PTCHD4: variants seen among roughly 807,000 people sequenced by gnomAD.
PTCHD4 encodes the protein patched domain-containing protein 4.
A neutral mutation model predicts 58.1 loss-of-function variants in PTCHD4; 33 were observed. The ratio of observed to expected loss-of-function variants is 0.57; its 90% CI spans 0.43 to 0.76. The LOEUF (loss-of-function observed/expected upper bound fraction) is 0.76. Among genes scored for constraint, PTCHD4 ranks in the 30% least tolerant of loss-of-function variants. The pLI is 0.00. For synonymous variants in PTCHD4, 478 were observed against 409.6 expected, an observed-to-expected ratio of 1.17 and a Z score of -2.02; for missense variants, 1,058 against 1,027.1, an observed-to-expected ratio of 1.03 and a Z score of -0.41.
At position 47,869,348 on chromosome 6, in the gene PTCHD4, C is replaced by G. The variant is rs775790195; in HGVS notation, c.*8955G>C. Reference sequence around the variant, plus strand: ...GGAGCCGCTGGCTCACTCATTGTCTCCATCTTCTGCAGCTCTCATATGGTG... The same window carrying G: ...GGAGCCGCTGGCTCACTCATTGTCTGCATCTTCTGCAGCTCTCATATGGTG... On this transcript the variant is annotated 3_prime_UTR_variant, in exon 5 of 5. Transcript: ENST00000339488. Among the ~76,000 whole-genome samples, 3 of 151,670 alleles carry G rather than the reference C, an allele frequency of 2.0e-5. No homozygotes were observed. Among genetic ancestry groups the G allele is most frequent in the African/African-American group, 4.8e-5 (2 of 41,358 alleles).
At chr6:47,949,201 G>C (rs1581920579) in intron 4 of PTCHD4, among the ~76,000 whole-genome samples, 1 of 152,172 alleles carries the variant, frequency 6.6e-6, no homozygotes, top group African/African-American at 2.4e-5. Flanking sequence ...CTGTAGGAAA[G>C]AGCTAGCCGA....
rs546316889 is a variant in PTCHD4, at chr6:48,085,508, C to T, written c.-969-15582G>A. On this transcript the variant is annotated intron_variant, in intron 1 of 4. Transcript: ENST00000339488. ...GTTGATCATCAAGAACCAAGAAAAGCCTCTCAAGATCATTTGCCTTTTTCA... is the reference window on the plus strand; with the variant it reads ...GTTGATCATCAAGAACCAAGAAAAGTCTCTCAAGATCATTTGCCTTTTTCA... Among the ~76,000 whole-genome samples, 5 of 152,218 alleles carry T rather than the reference C, an allele frequency of 3.3e-5. No homozygotes were observed. The South Asian group carries it at 8.3e-4, about 25-fold the overall frequency.
chr6:48,054,873 GTTTATA>G (rs761284510), intron 3 of PTCHD4, among the ~76,000 whole-genome samples: 12 of 152,108 alleles, frequency 7.9e-5, no homozygotes, highest in Non-Finnish European at 1.5e-4. Context: ...AGGATTCTGA[GTTTATA>G]TTAATATAAA....
At chr6:48,034,379 C>A (rs771329570) in intron 3 of PTCHD4, among the ~76,000 whole-genome samples, 1 of 151,892 alleles carries the variant, frequency 6.6e-6, no homozygotes, top group Admixed American at 6.6e-5. Flanking sequence ...TTGTTCAGGT[C>A]GAACCTGATA....
Position 48,068,607 on chromosome 6 carries a change from T to C in PTCHD4, c.40A>G (p.Arg14Gly). The change falls in exon 3 of 5, where the codon AGG becomes GGG. Residue 14 changes from arginine (R) to glycine (G), a missense_variant. By Grantham distance (125) the Arg-to-Gly change is moderately radical. Coordinates refer to ENST00000339488, the MANE Select transcript of PTCHD4 (RefSeq NM_001384253.1). The surrounding 1 kb of genome is among the most constrained non-coding windows in gnomAD (Gnocchi z 4.2). ...PGAPASWIWW[R>G]MLRQVLRRGL... ...CTGCGAAGCACCTGCCGCAGCATCC[T>C]CCACCAGATCCAGCTCGCAGGCGCT... The C allele has an allele frequency of 6.4e-7, 1 of 1,573,638 alleles. No individual in the cohort carries two copies. The highest frequency in any genetic ancestry group is 8.6e-7 in the Non-Finnish European group (1 of 1,164,216).
intron 4 of PTCHD4, among the ~76,000 whole-genome samples, chr6:47,917,250 A>G (rs561178865): frequency 6.6e-6 from 1 of 152,206 alleles, no homozygotes; most frequent in East Asian, 1.9e-4. Flanking sequence ...GAATCAGAGT[A>G]AAAGAATTAG....
At position 47,870,147 on chromosome 6, in the gene PTCHD4, A is replaced by G. The variant is rs1298510459; in HGVS notation, c.*8156T>C. On this transcript the variant is annotated 3_prime_UTR_variant, in exon 5 of 5. Transcript: ENST00000339488. ...TTTGTTGTTAAAATAAAAAGTTGAG[A>G]TAGCCAGAAATGCTGTTTAACTTTG... is the stretch of plus-strand genomic sequence containing the variant. Among the ~76,000 whole-genome samples the G allele has an allele frequency of 6.6e-6, 1 of 151,700 alleles. No individual in the cohort carries two copies. Among genetic ancestry groups the G allele is most frequent in the African/African-American group, 2.4e-5 (1 of 41,382 alleles).
At chr6:48,021,525 A>G (rs1763071465) in intron 3 of PTCHD4, among the ~76,000 whole-genome samples, 2 of 152,206 alleles carry the variant, frequency 1.3e-5, no homozygotes, top group Non-Finnish European at 2.9e-5. Context: ...TTTCATAAAC[A>G]AGGCCAAATC....
At chr6:48,099,160 C>CTAA (rs1221185966) in intron 1 of PTCHD4, among the ~76,000 whole-genome samples, 6 of 152,160 alleles carry the variant, frequency 3.9e-5, no homozygotes, top group African/African-American at 1.4e-4. Flanking sequence ...ATCCAGATTA[C>CTAA]TAATGCACAC....
chr6:47,861,321 TTTTA>T lies in PTCHD4; in HGVS notation c.*16978_*16981del, dbSNP rs1390718572. ...TTCATAAAACTATTTTTTAAAAAAA[TTTTA>T]TTTGTGTCTCAATTCTTGCCTGACT... On this transcript the variant is annotated 3_prime_UTR_variant, in exon 5 of 5. Transcript: ENST00000339488. Among the ~76,000 whole-genome samples the T allele has an allele frequency of 6.8e-6, 1 of 146,530 alleles. No homozygotes were observed. Among genetic ancestry groups the T allele is most frequent in the Non-Finnish European group, 1.5e-5 (1 of 66,564 alleles).
chr6:48,102,536 G>A (rs759575666), intron 1 of PTCHD4, among the ~76,000 whole-genome samples: 3 of 152,204 alleles, frequency 2.0e-5, no homozygotes, highest in Admixed American at 6.5e-5. Flanking sequence ...CAGCGTGAGC[G>A]ATGCAGAAGA....
intron 4 of PTCHD4, among the ~76,000 whole-genome samples, chr6:47,963,573 G>T (rs1436308266): frequency 6.6e-6 from 1 of 152,166 alleles, no homozygotes; most frequent in Non-Finnish European, 1.5e-5. Flanking sequence ...GACAAGAGTT[G>T]AAAGCAAAGT....
At chr6:47,904,850 A>T (rs1328988) in intron 4 of PTCHD4, among the ~76,000 whole-genome samples, 1 of 152,066 alleles carries the variant, frequency 6.6e-6, no homozygotes, top group Middle Eastern at 3.4e-3. Flanking sequence ...AATGCTATGA[A>T]GAAAAGGCTT....
chr6:48,062,238 T>C (rs1562033614), intron 3 of PTCHD4, among the ~76,000 whole-genome samples: 1 of 152,208 alleles, frequency 6.6e-6, no homozygotes, highest in Non-Finnish European at 1.5e-5. Context: ...TTATTGCTTA[T>C]GGTGTCAGGA....
intron 4 of PTCHD4, among the ~76,000 whole-genome samples, chr6:47,899,214 C>T (rs906617070): frequency 1.3e-5 from 2 of 152,202 alleles, no homozygotes; most frequent in South Asian, 2.1e-4. Flanking sequence ...TTCTTAGTTG[C>T]TCCTATCTTG....
chr6:47,927,800 T>A (rs185012144), intron 4 of PTCHD4, among the ~76,000 whole-genome samples: 118 of 152,000 alleles, frequency 7.8e-4, no homozygotes, highest in African/African-American at 2.8e-3. Context: ...TATTATTATT[T>A]TTTGTAGAGA....
At position 47,930,861 on chromosome 6, in the gene PTCHD4, T is replaced by C. The variant is rs1482303942; in HGVS notation, c.899-50925A>G. 3.3e-5 allele frequency among the ~76,000 whole-genome samples: 5 copies of C among 152,340 alleles called. No individual in the cohort carries two copies. In the East Asian group the frequency reaches 7.7e-4, roughly 24 times the overall value. The stretch of plus-strand genomic sequence containing the variant: ...CAGGCTGGAGGGCAGTGGTGTGATC[T>C]CAGCTCACTGCAACCTCTGCCTTCT... On this transcript the variant is annotated intron_variant, in intron 4 of 4. Transcript: ENST00000339488.
At chr6:48,039,756 T>G (rs112500) in intron 3 of PTCHD4, among the ~76,000 whole-genome samples, 88,794 of 151,874 alleles carry the variant, frequency 0.58, 26,096 homozygotes, top group East Asian at 0.73. Flanking sequence ...TAGGCTTGAG[T>G]TTTTTCAGAG....
chr6:47,975,701 A>G (rs1767668414), intron 4 of PTCHD4, among the ~76,000 whole-genome samples: 1 of 152,148 alleles, frequency 6.6e-6, no homozygotes, highest in Admixed American at 6.5e-5. Flanking sequence ...TCTTTAGTAA[A>G]TCTAGTAATA....
Sources: allele counts gnomAD v4.1 joint callset (sites outside exome capture counted in the v4.1 genomes callset), GRCh38; gene constraint gnomAD v4.1.1; non-coding constraint Gnocchi (gnomAD v3.1); transcripts MANE v1.5; gene names NCBI Gene and HGNC (gene_info 2026-07-23, HGNC 2026-07-21).